SEC14L1: variants seen among roughly 807,000 people sequenced by gnomAD.
SEC14L1 encodes SEC14-like protein 1.
A neutral mutation model predicts 85.3 loss-of-function variants in SEC14L1; 48 were observed. The ratio of observed to expected loss-of-function variants is 0.56; its 90% CI spans 0.45 to 0.72. The LOEUF (loss-of-function observed/expected upper bound fraction) is 0.72. Ranked by LOEUF, SEC14L1 falls within the 30% of genes least tolerant of loss-of-function variation. The probability of loss-of-function intolerance (pLI) is 0.00; values close to 1 mark genes in which losing one functional copy is unlikely to be tolerated. For synonymous variants in SEC14L1, 391 were observed against 355.5 expected, an observed-to-expected ratio of 1.10 and a Z score of -1.12; for missense variants, 682 against 921.4, an observed-to-expected ratio of 0.74 and a Z score of 3.36.
intron 3 of SEC14L1, among the ~76,000 whole-genome samples, chr17:77,131,101 T>G (rs1490552032): frequency 6.6e-6 from 1 of 152,154 alleles, no homozygotes; most frequent in Non-Finnish European, 1.5e-5. Flanking sequence ...CCAACATGCC[T>G]TATGATGGAA....
chr17:77,161,743 C>T (rs532356714), intron 3 of SEC14L1, among the ~76,000 whole-genome samples: 64 of 127,496 alleles, frequency 5.0e-4, no homozygotes, highest in African/African-American at 1.8e-3. Flanking sequence ...TTTTAAACAA[C>T]CAGAGGTTAA....
chr17:77,188,227 C>A (rs534673733), intron 3 of SEC14L1, among the ~76,000 whole-genome samples: 15 of 152,320 alleles, frequency 9.8e-5, no homozygotes, highest in Non-Finnish European at 1.8e-4. Context: ...CTGCCGTGCG[C>A]ATAGTCGAGA....
intron 6 of SEC14L1, among the ~76,000 whole-genome samples, chr17:77,194,293 G>A (rs917003361): frequency 7.2e-5 from 11 of 152,194 alleles, no homozygotes; most frequent in African/African-American, 2.7e-4. Context: ...ACTGGCTCAT[G>A]CCTGTAATCC....
intron 3 of SEC14L1, chr17:77,093,786 G>A (rs1007458894): frequency 6.6e-6 from 1 of 152,146 alleles, no homozygotes; most frequent in Non-Finnish European, 1.5e-5. Flanking sequence ...TTTTAATAAG[G>A]GACAGAGTCT....
In SEC14L1 at chr17:77,190,924, A is replaced by G; in HGVS notation, c.185A>G (p.Asp62Gly). The part of the protein sequence containing the change: ...IHVIERRCKL[D>G]VDAPRLLKKI... Reference sequence around the variant, plus strand: ...GTCATTGAAAGGCGCTGCAAGCTGGATGTAGATGCACCCAGACTGCTGAAG... The same window carrying G: ...GTCATTGAAAGGCGCTGCAAGCTGGGTGTAGATGCACCCAGACTGCTGAAG... The change falls in exon 4 of 17, where the codon GAT becomes GGT. Residue 62 changes from aspartate to glycine, a missense_variant. Asp to Gly is a moderately conservative substitution (Grantham distance 94, BLOSUM62 -1). This residue lies in a region of SEC14L1 where 139 missense variants were observed against 201.3 expected (regional missense o/e 0.69). Coordinates refer to ENST00000436233, the MANE Select transcript of SEC14L1 (RefSeq NM_001143998.2). 6.2e-7 allele frequency: 1 copy of G among 1,614,206 alleles called. No individual in the cohort carries two copies. Among genetic ancestry groups the G allele is most frequent in the Non-Finnish European group, 8.5e-7 (1 of 1,180,034 alleles).
chr17:77,199,502 A>C (rs1224051006), intron 8 of SEC14L1: 1 of 155,362 alleles, frequency 6.4e-6, no homozygotes. Flanking sequence ...ACTGGGCGGC[A>C]CCCTTTGGAA....
At chr17:77,146,828 G>T (rs758018687) in intron 3 of SEC14L1, among the ~76,000 whole-genome samples, 8 of 152,178 alleles carry the variant, frequency 5.3e-5, no homozygotes, top group Non-Finnish European at 8.8e-5. Context: ...TAGACTGTGA[G>T]TGATGTTTGT....
chr17:77,097,366 C>A (rs1461392922), intron 3 of SEC14L1, among the ~76,000 whole-genome samples: 1 of 151,878 alleles, frequency 6.6e-6, no homozygotes, highest in Non-Finnish European at 1.5e-5. Flanking sequence ...GAGATCAAGA[C>A]CATCCTGGCC....
At chr17:77,099,894 T>C (rs1971727137) in intron 3 of SEC14L1, among the ~76,000 whole-genome samples, 1 of 152,136 alleles carries the variant, frequency 6.6e-6, no homozygotes, top group Non-Finnish European at 1.5e-5. Context: ...AATAAAGGCT[T>C]CATGCGTTTT....
At position 77,213,516 on chromosome 17, in the gene SEC14L1, G is replaced by C; in HGVS notation, c.2042+24G>C. ...AGGTGCGGCCACCCTCGCCACAGCA[G>C]GTGCTGCGGACAGCTGGGCATGGTT... On this transcript the variant is annotated intron_variant, in intron 16 of 16. Coordinates refer to ENST00000436233, the MANE Select transcript of SEC14L1 (RefSeq NM_001143998.2). This position sits in a 1 kb window ranked among gnomAD's most constrained non-coding sequence, Gnocchi z 7.1. 6.2e-7 allele frequency: 1 copy of C among 1,602,582 alleles called. No individual in the cohort carries two copies. Among genetic ancestry groups the C allele is most frequent in the Non-Finnish European group, 8.5e-7 (1 of 1,179,790 alleles).
chr17:77,098,029 C>G (rs1971686894), intron 3 of SEC14L1, among the ~76,000 whole-genome samples: 1 of 152,136 alleles, frequency 6.6e-6, no homozygotes, highest in African/African-American at 2.4e-5. Flanking sequence ...GGCACACAAG[C>G]AAAAGGAGTT....
At chr17:77,199,465 G>C (rs553024618) in intron 8 of SEC14L1, 1 of 161,658 alleles carries the variant, frequency 6.2e-6, no homozygotes, top group African/African-American at 2.4e-5. Flanking sequence ...CCAGTCTTGT[G>C]CTTGCTTCCC....
In SEC14L1 at chr17:77,206,619, C is replaced by T; in HGVS notation, c.1342-109C>T. 3 of 1,367,094 alleles carry T rather than the reference C, an allele frequency of 2.2e-6. No homozygotes were observed. Among genetic ancestry groups the T allele is most frequent in the South Asian group, 1.4e-5 (1 of 72,200 alleles). The allele number at this position is 1,367,094 out of a possible 1,614,324, so 84.7% of individuals were successfully genotyped here. A position where few individuals can be genotyped will look rare whatever the true frequency, so the allele number is the denominator to read the frequency against. On this transcript the variant is annotated intron_variant, in intron 12 of 16. Transcript: ENST00000436233. This position sits in a 1 kb window ranked among gnomAD's most constrained non-coding sequence, Gnocchi z 4.3. The stretch of plus-strand genomic sequence containing the variant: ...AGACTTTACAGAAGAAGTATATAAA[C>T]TTGAATGTCTTCCCCCCACCCTCCC...
intron 3 of SEC14L1, among the ~76,000 whole-genome samples, chr17:77,123,895 C>T (rs1972368063): frequency 6.6e-6 from 1 of 152,128 alleles, no homozygotes; most frequent in African/African-American, 2.4e-5. Flanking sequence ...TGTGTGTCCT[C>T]TATGGCAGAT....
At chr17:77,111,423 C>T (rs1344784644) in intron 3 of SEC14L1, among the ~76,000 whole-genome samples, 4 of 147,984 alleles carry the variant, frequency 2.7e-5, no homozygotes, top group African/African-American at 7.6e-5. Context: ...GACAGAGTCT[C>T]GCTTTGTCGC....
intron 3 of SEC14L1, among the ~76,000 whole-genome samples, chr17:77,180,839 C>A (rs190585346): frequency 1.3e-5 from 2 of 152,060 alleles, no homozygotes; most frequent in South Asian, 2.1e-4. Context: ...TTTATAAATA[C>A]CTTATTAGGT....
At chr17:77,099,967 A>T (rs182227935) in intron 3 of SEC14L1, among the ~76,000 whole-genome samples, 5,938 of 152,212 alleles carry the variant, frequency 0.039, 193 homozygotes, top group South Asian at 0.15. Flanking sequence ...GTTTAAAAAA[A>T]TTTTTTTTCC....
At chr17:77,193,944 G>A (rs916971302) in intron 6 of SEC14L1, among the ~76,000 whole-genome samples, 2 of 152,096 alleles carry the variant, frequency 1.3e-5, no homozygotes, top group Admixed American at 6.5e-5. Flanking sequence ...TTCCTTTCTC[G>A]TTTTTGTGCT....
chr17:77,199,441 G>A (rs2136046), intron 8 of SEC14L1: 10,506 of 160,502 alleles, frequency 0.065, 454 homozygotes, highest in East Asian at 0.27. Context: ...CCGGAGAGAC[G>A]GTGGAGATGT....
Sources: gnomAD v4.1 joint callset for allele counts (sites outside exome capture counted in the v4.1 genomes callset) on GRCh38, gnomAD v4.1.1 for gene constraint, gnomAD v4.1.1 regional missense constraint, Gnocchi (gnomAD v3.1) non-coding constraint, MANE v1.5 for transcripts, NCBI Gene and HGNC (gene_info 2026-07-23, HGNC 2026-07-21) for gene names.